The following FRRS1 variants were observed in gnomAD, a reference collection of about 807,000 sequenced individuals.
FRRS1 encodes the protein ferric reductase 1.
FRRS1 carries 51 observed loss-of-function variants against 70.7 expected under a neutral mutation model. That is an observed-to-expected ratio of 0.72 (90% CI 0.58 to 0.91). The LOEUF is 0.91. FRRS1 is among the 40% of genes least tolerant of loss of function. The probability of loss-of-function intolerance (pLI) is 0.00; values close to 1 mark genes in which losing one functional copy is unlikely to be tolerated. For synonymous variants in FRRS1, 225 were observed against 238.7 expected (o/e 0.94, Z 0.53); for missense variants, 672 against 726.0 (o/e 0.93, Z 0.86).
Position 99,748,693 on chromosome 1 carries a change from C to T in FRRS1, c.76G>A (p.Gly26Arg). The change falls in exon 3 of 17, where the codon GGA (glycine) becomes AGA (arginine). Residue 26 changes from glycine (G) to arginine (R), a missense_variant. Coordinates refer to ENST00000646001, the MANE Select transcript of FRRS1 (RefSeq NM_001361041.2). ...CCATGGCATGACTGTGTTACTTTTC[C>T]ATTGGGATAATTAGCCACATAACTA... ...HISYVANYPN[G>R]KVTQSCHGMI... 6.2e-7 allele frequency: 1 copy of T among 1,613,934 alleles called. No homozygotes were observed. Among genetic ancestry groups the T allele is most frequent in the Non-Finnish European group, 8.5e-7 (1 of 1,179,898 alleles).
At chr1:99,763,898 A>G (rs1657231947) in intron 1 of FRRS1, among the ~76,000 whole-genome samples, 1 of 151,998 alleles carries the variant, frequency 6.6e-6, no homozygotes, top group Non-Finnish European at 1.5e-5. Flanking sequence ...TGAAAAGAAA[A>G]GAAATATATC....
At chr1:99,747,141 A>T (rs1426655395) in intron 4 of FRRS1, among the ~76,000 whole-genome samples, 153 bp downstream of exon 4, 1 of 152,210 alleles carries the variant, frequency 6.6e-6, no homozygotes, top group Non-Finnish European at 1.5e-5. Flanking sequence ...TTAATCAACT[A>T]TTTGTTATCA....
chr1:99,749,393 T>C (rs909542449), intron 1 of FRRS1, among the ~76,000 whole-genome samples: 9 of 152,224 alleles, frequency 5.9e-5, no homozygotes, highest in African/African-American at 1.7e-4. Context: ...AATAATAGCT[T>C]TCTTTATTAT....
chr1:99,734,221 A>G (rs1655536999), intron 7 of FRRS1, among the ~76,000 whole-genome samples: 1 of 152,222 alleles, frequency 6.6e-6, no homozygotes, highest in South Asian at 2.1e-4. Flanking sequence ...AAAACAAAGG[A>G]CTTTATTGGG....
intron 9 of FRRS1, among the ~76,000 whole-genome samples, chr1:99,720,716 C>G (rs1362425348): frequency 1.3e-5 from 2 of 151,806 alleles, no homozygotes; most frequent in Non-Finnish European, 2.9e-5. Context: ...GAAATTAAAA[C>G]TAAAATCACA....
In FRRS1 at chr1:99,725,854, C is replaced by T. The variant is rs374121906; in HGVS notation, c.1006+2639G>A. On this transcript the variant is annotated intron_variant, in intron 9 of 16. Transcript: ENST00000646001. ...AAATTTATTATACAACAGAATTCCT[C>T]CATTTAAATGAAATAGTTTTCCTCT... Among the ~76,000 whole-genome samples, 151 of 152,292 alleles carry T rather than the reference C, an allele frequency of 9.9e-4. No individual in the cohort carries two copies. The South Asian group carries it at 0.015, about 15-fold the overall frequency.
At chr1:99,741,107 C>G (rs1255854331) in intron 5 of FRRS1, among the ~76,000 whole-genome samples, 167 bp from the exon 6 acceptor site, 1 of 152,172 alleles carries the variant, frequency 6.6e-6, no homozygotes, top group Non-Finnish European at 1.5e-5. Flanking sequence ...TCTCTCCCAC[C>G]CGATCACTTG....
intron 1 of FRRS1, among the ~76,000 whole-genome samples, chr1:99,760,804 C>T (rs1301007062): frequency 6.6e-6 from 1 of 152,124 alleles, no homozygotes; most frequent in Non-Finnish European, 1.5e-5. Flanking sequence ...CACCTGCCAC[C>T]ATGCCTGGCT....
chr1:99,704,004 T>C lies in FRRS1; in HGVS notation c.*5024A>G, dbSNP rs146353630. Among the ~76,000 whole-genome samples the C allele has an allele frequency of 3.5e-4, 54 of 152,276 alleles. No homozygotes were observed. Among genetic ancestry groups the C allele is most frequent in the African/African-American group, 1.3e-3 (52 of 41,542 alleles). On this transcript the variant is annotated 3_prime_UTR_variant, in exon 17 of 17. Coordinates refer to ENST00000646001, the MANE Select transcript of FRRS1 (RefSeq NM_001361041.2). The stretch of plus-strand genomic sequence containing the variant: ...TGCTTTATTTTATTCAGCATAATGT[T>C]TTCAAGATGAATATCAAATATTTTT...
intron 1 of FRRS1, among the ~76,000 whole-genome samples, chr1:99,755,389 T>A (rs1458395597): frequency 2.0e-5 from 3 of 151,528 alleles, no homozygotes; most frequent in African/African-American, 7.3e-5. Flanking sequence ...ATTGTGACAC[T>A]GCACTCCAGC....
intron 1 of FRRS1, among the ~76,000 whole-genome samples, chr1:99,758,593 C>A (rs1471416202): frequency 7.9e-6 from 1 of 126,580 alleles, no homozygotes; most frequent in South Asian, 2.6e-4. Context: ...GTTAACTGTA[C>A]AAATTGACTG....
At chr1:99,732,118 C>T (rs1655420318) in intron 7 of FRRS1, among the ~76,000 whole-genome samples, 1 of 152,176 alleles carries the variant, frequency 6.6e-6, no homozygotes, top group South Asian at 2.1e-4. Flanking sequence ...TACAAGTAGA[C>T]CTCCCAAATA....
chr1:99,735,699 C>T (rs879594827), intron 7 of FRRS1, among the ~76,000 whole-genome samples: 1 of 152,112 alleles, frequency 6.6e-6, no homozygotes, highest in African/African-American at 2.4e-5. Flanking sequence ...GAGTACTATA[C>T]TGGAAACAGA....
At chr1:99,731,684 C>T (rs1315113107) in intron 7 of FRRS1, among the ~76,000 whole-genome samples, 5 of 152,174 alleles carry the variant, frequency 3.3e-5, no homozygotes, top group African/African-American at 7.2e-5. Flanking sequence ...GGAACACAGC[C>T]ACATTTATTC....
intron 1 of FRRS1, among the ~76,000 whole-genome samples, chr1:99,749,304 G>A (rs1463317691): frequency 2.0e-5 from 3 of 152,158 alleles, no homozygotes; most frequent in African/African-American, 4.8e-5. Flanking sequence ...GGGATTACAG[G>A]CATGAGCCAC....
At chr1:99,734,079 C>G (rs982365721) in intron 7 of FRRS1, among the ~76,000 whole-genome samples, 1 of 152,076 alleles carries the variant, frequency 6.6e-6, no homozygotes, top group Admixed American at 6.5e-5. Flanking sequence ...CTACAAATAA[C>G]TGGCCTGAAT....
At chr1:99,726,285 T>C (rs1482811375) in intron 9 of FRRS1, among the ~76,000 whole-genome samples, 2 of 152,182 alleles carry the variant, frequency 1.3e-5, no homozygotes, top group African/African-American at 2.4e-5. Flanking sequence ...GCTTCCTGTA[T>C]AGGCTGTGGA....
intron 1 of FRRS1, among the ~76,000 whole-genome samples, chr1:99,758,011 G>T (rs1410026306): frequency 1.3e-5 from 2 of 151,594 alleles, no homozygotes; most frequent in Admixed American, 1.3e-4. Context: ...CTCCCAAGAT[G>T]ACTTTGAGGG....
chr1:99,761,698 A>G (rs1288535327), intron 1 of FRRS1, among the ~76,000 whole-genome samples: 1 of 152,158 alleles, frequency 6.6e-6, no homozygotes, highest in Non-Finnish European at 1.5e-5. Context: ...CCTGCTTTAC[A>G]TGTATGAATG....
Sources: allele counts gnomAD v4.1 joint callset (sites outside exome capture counted in the v4.1 genomes callset), GRCh38; gene constraint gnomAD v4.1.1; transcripts MANE v1.5; gene names NCBI Gene and HGNC (gene_info 2026-07-23, HGNC 2026-07-21).